CSMD1: variants seen among roughly 807,000 people sequenced by gnomAD.
CSMD1 encodes the protein CUB and Sushi multiple domains 1.
CSMD1 carries 213 observed loss-of-function variants against 417.5 expected under a neutral mutation model. That is an observed-to-expected ratio of 0.51 (90% CI 0.46 to 0.57). CSMD1 has a LOEUF of 0.57. Ranked by LOEUF, CSMD1 falls within the 20% of genes least tolerant of loss-of-function variation. CSMD1 has a pLI of 0.00. For missense variants in CSMD1, 6,923 were observed against 4,529.7 expected (o/e 1.53, Z -15.17); for synonymous variants, 2,862 against 1,736.8 (o/e 1.65, Z -16.11).
chr8:2,943,761 A>G (rs533605957), intron 68 of CSMD1, among the ~76,000 whole-genome samples: 22 of 152,228 alleles, frequency 1.4e-4, no homozygotes, highest in Non-Finnish European at 2.4e-4. Context: ...GCCTAATTGC[A>G]TGGAGTCACT....
intron 23 of CSMD1, among the ~76,000 whole-genome samples, chr8:3,336,651 C>T (rs1009754805): frequency 1.3e-5 from 2 of 152,194 alleles, no homozygotes; most frequent in African/African-American, 4.8e-5. Context: ...TACTTCATCA[C>T]AGAGCCCTGT....
At chr8:4,868,647 T>C (rs752302285) in intron 1 of CSMD1, among the ~76,000 whole-genome samples, 7 of 152,064 alleles carry the variant, frequency 4.6e-5, no homozygotes, top group African/African-American at 9.7e-5. Context: ...CTGAAGGTAA[T>C]TGAAAATTAT....
At chr8:4,430,628 CT>C (rs534538854) in intron 2 of CSMD1, among the ~76,000 whole-genome samples, 1 of 151,868 alleles carries the variant, frequency 6.6e-6, no homozygotes, top group African/African-American at 2.4e-5. Context: ...AACTGATCCT[CT>C]TTTTTTTAAT....
intron 1 of CSMD1, among the ~76,000 whole-genome samples, chr8:4,825,697 T>C (rs934501423): frequency 6.8e-6 from 1 of 147,286 alleles, no homozygotes; most frequent in African/African-American, 2.5e-5. Context: ...ACCTACAGAA[T>C]GGGAGAAAAG....
At chr8:3,820,245 C>G (rs552611292) in intron 5 of CSMD1, among the ~76,000 whole-genome samples, 2 of 152,232 alleles carry the variant, frequency 1.3e-5, no homozygotes, top group South Asian at 2.1e-4. Context: ...ACACACTTCC[C>G]AGACCATGTG....
chr8:4,059,058 C>G (rs190999579), intron 3 of CSMD1, among the ~76,000 whole-genome samples: 96 of 152,206 alleles, frequency 6.3e-4, no homozygotes, highest in African/African-American at 2.2e-3. Flanking sequence ...CTCTCCTCAG[C>G]AAATGTAAAA....
chr8:4,572,039 C>T (rs753776126), intron 2 of CSMD1, among the ~76,000 whole-genome samples: 1 of 152,208 alleles, frequency 6.6e-6, no homozygotes, highest in Non-Finnish European at 1.5e-5. Context: ...CTCCTGAATA[C>T]AGCACACCGA....
chr8:3,553,092 C>G (rs1230643012), intron 10 of CSMD1, among the ~76,000 whole-genome samples: 1 of 148,772 alleles, frequency 6.7e-6, no homozygotes, highest in Non-Finnish European at 1.5e-5. Context: ...ACCAATCAAC[C>G]AACCAGCTAA....
At chr8:2,984,981 G>C (rs1805755422) in intron 54 of CSMD1, among the ~76,000 whole-genome samples, 1 of 152,128 alleles carries the variant, frequency 6.6e-6, no homozygotes. Context: ...CTTTAAGTTT[G>C]AATTTTAAGT....
chr8:4,512,337 A>C (rs533418604), intron 2 of CSMD1, among the ~76,000 whole-genome samples: 1 of 152,346 alleles, frequency 6.6e-6, no homozygotes, highest in East Asian at 1.9e-4. Flanking sequence ...CTAACATTTT[A>C]CTTAATGAAA....
intron 26 of CSMD1, among the ~76,000 whole-genome samples, chr8:3,231,089 T>C (rs1798809430): frequency 6.6e-6 from 1 of 151,774 alleles, no homozygotes. Context: ...AAGCCCAGAG[T>C]TTTCACCAGA....
At chr8:3,713,449 C>A (rs1801642966) in intron 6 of CSMD1, among the ~76,000 whole-genome samples, 1 of 152,168 alleles carries the variant, frequency 6.6e-6, no homozygotes, top group South Asian at 2.1e-4. Flanking sequence ...GTCCTGCCCT[C>A]CTCTGTAGCC....
chr8:3,628,097 T>A (rs143604907), intron 7 of CSMD1, among the ~76,000 whole-genome samples: 2 of 152,160 alleles, frequency 1.3e-5, no homozygotes, highest in African/African-American at 4.8e-5. Flanking sequence ...AAAAGAAACA[T>A]AGAAAAAGAC....
chr8:3,531,439 A>T (rs948498665), intron 10 of CSMD1, among the ~76,000 whole-genome samples: 2 of 152,196 alleles, frequency 1.3e-5, no homozygotes, highest in Admixed American at 1.3e-4. Context: ...TGTGATAAAC[A>T]TCACCCCTCA....
In CSMD1 at chr8:4,923,227, C is replaced by A. The variant is rs114164882; in HGVS notation, c.85+71105G>T. Among the ~76,000 whole-genome samples, 1,017 of 152,252 alleles carry A rather than the reference C, an allele frequency of 6.7e-3. 8 individuals carry two copies. The highest frequency in any genetic ancestry group is 0.024 in the African/African-American group (986 of 41,550). ...GTTACATAATAGTAGACACAAGTGTCCATTCATTAAACAGCTGTCCTTTCT... is the reference window on the plus strand; with the variant it reads ...GTTACATAATAGTAGACACAAGTGTACATTCATTAAACAGCTGTCCTTTCT... On this transcript the variant is annotated intron_variant, in intron 1 of 69. Coordinates refer to ENST00000635120, the MANE Select transcript of CSMD1 (RefSeq NM_033225.6).
intron 7 of CSMD1, among the ~76,000 whole-genome samples, chr8:3,646,475 A>C (rs994986196): frequency 6.6e-6 from 1 of 152,222 alleles, no homozygotes; most frequent in African/African-American, 2.4e-5. Context: ...TATTATAATA[A>C]TCATTTCCTT....
At chr8:3,877,298 G>A (rs4388472) in intron 5 of CSMD1, among the ~76,000 whole-genome samples, 6 of 151,974 alleles carry the variant, frequency 3.9e-5, no homozygotes, top group Non-Finnish European at 5.9e-5. Flanking sequence ...GGAAACTTCT[G>A]CATGCTGGGA....
rs1385386533 is a variant in CSMD1 at position 4,693,531 on chromosome 8, AT to A, written c.86-55974del. Among the ~76,000 whole-genome samples, 9 of 152,136 alleles carry A rather than the reference AT, an allele frequency of 5.9e-5. No homozygotes were observed. In the East Asian group the frequency reaches 9.7e-4, roughly 16 times the overall value. ...TTTTTCACTTGAGTCTGCTTCTTTA[AT>A]TTTACATTTTTTTATTTTAAATATG... On this transcript the variant is annotated intron_variant, in intron 1 of 69. Coordinates refer to ENST00000635120, the MANE Select transcript of CSMD1 (RefSeq NM_033225.6).
At chr8:4,331,683 T>C (rs1799876910) in intron 3 of CSMD1, among the ~76,000 whole-genome samples, 2 of 152,124 alleles carry the variant, frequency 1.3e-5, no homozygotes, top group South Asian at 4.1e-4. Flanking sequence ...AGGCCCCAGT[T>C]AGGTCATTTC....
Sources: allele counts gnomAD v4.1 joint callset (sites outside exome capture counted in the v4.1 genomes callset), GRCh38; gene constraint gnomAD v4.1.1; transcripts MANE v1.5; gene names NCBI Gene and HGNC (gene_info 2026-07-23, HGNC 2026-07-21).